RXRA: variants seen among roughly 807,000 people sequenced by gnomAD.
RXRA encodes the protein retinoid X receptor alpha, also known as retinoic acid receptor RXR-alpha.
In RXRA, 5 loss-of-function variants were observed where a neutral mutation model predicts 44.5. The observed-to-expected ratio is 0.11, with a 90% CI of 0.06 to 0.24. RXRA has a LOEUF of 0.24. Ranked by LOEUF, RXRA falls within the 10% of genes least tolerant of loss-of-function variation. The pLI is 1.00. For missense variants in RXRA, 412 were observed against 646.5 expected (o/e 0.64, Z 3.93); for synonymous variants, 291 against 271.4 (o/e 1.07, Z -0.71).
intron 1 of RXRA, among the ~76,000 whole-genome samples, chr9:134,383,964 T>G (rs1830682140): frequency 6.6e-6 from 1 of 152,024 alleles, no homozygotes; most frequent in African/African-American, 2.4e-5. Context: ...CCTCGGGGGT[T>G]GTTTGTGTTG....
At chr9:134,339,733 G>A (rs546621217) in intron 1 of RXRA, among the ~76,000 whole-genome samples, 1 of 149,650 alleles carries the variant, frequency 6.7e-6, no homozygotes, top group Non-Finnish European at 1.5e-5. Flanking sequence ...GTGTGTGTGT[G>A]TCTATGTGTG....
At chr9:134,356,860 C>T (rs2119054570) in intron 1 of RXRA, among the ~76,000 whole-genome samples, 1 of 152,288 alleles carries the variant, frequency 6.6e-6, no homozygotes, top group East Asian at 1.9e-4. Context: ...AGGCCCTGCT[C>T]AGCCACCACC....
intron 1 of RXRA, among the ~76,000 whole-genome samples, chr9:134,393,644 G>T (rs1830832242): frequency 6.6e-6 from 1 of 152,278 alleles, no homozygotes; most frequent in African/African-American, 2.4e-5. Context: ...GGCTTCTCAG[G>T]GGAGTAGGCA....
chr9:134,432,339 G>A (rs183856963), intron 8 of RXRA, among the ~76,000 whole-genome samples: 9 of 152,348 alleles, frequency 5.9e-5, no homozygotes, highest in African/African-American at 1.2e-4. Context: ...GTGAACTTCC[G>A]GTGCTGAAGT....
chr9:134,410,409 G>T (rs967065944), intron 4 of RXRA, among the ~76,000 whole-genome samples: 8 of 152,234 alleles, frequency 5.3e-5, no homozygotes, highest in African/African-American at 1.9e-4. Flanking sequence ...CTGGGCCCTG[G>T]CCCCCATCCA....
At chr9:134,333,443 C>G (rs1383448311) in intron 1 of RXRA, among the ~76,000 whole-genome samples, 2 of 152,098 alleles carry the variant, frequency 1.3e-5, no homozygotes, top group Non-Finnish European at 2.9e-5. Flanking sequence ...TACCCGGGGC[C>G]AGGGCTGGGG....
In RXRA at chr9:134,339,751, G is replaced by A. The variant is rs924794948; in HGVS notation, c.28+13092G>A. Among the ~76,000 whole-genome samples the A allele has an allele frequency of 7.7e-3, 1,063 of 137,244 alleles. 17 individuals carry two copies. Among genetic ancestry groups the A allele is most frequent in the African/African-American group, 0.035 (1,002 of 28,860 alleles). 90.0% of individuals were successfully genotyped at this position (137,244 alleles called of 152,430 possible). Reference sequence around the variant, plus strand: ...TGTGTGTGTCTATGTGTGAGATCCCGTGTGTGTCTGTGCACACCCATGCCC... The same window carrying A: ...TGTGTGTGTCTATGTGTGAGATCCCATGTGTGTCTGTGCACACCCATGCCC... On this transcript the variant is annotated intron_variant, in intron 1 of 9. Transcript: ENST00000481739.
intron 4 of RXRA, among the ~76,000 whole-genome samples, chr9:134,410,675 C>G (rs1831132982): frequency 6.6e-6 from 1 of 151,948 alleles, no homozygotes. Flanking sequence ...CTGGCCTGTT[C>G]TGGGGTGGAG....
intron 4 of RXRA, among the ~76,000 whole-genome samples, chr9:134,411,472 A>G (rs1419380306): frequency 6.6e-6 from 1 of 152,176 alleles, no homozygotes; most frequent in African/African-American, 2.4e-5. Flanking sequence ...TACCTGTGAG[A>G]CAGAGAAATG....
At chr9:134,373,071 C>G (rs1830509622) in intron 1 of RXRA, among the ~76,000 whole-genome samples, 1 of 152,168 alleles carries the variant, frequency 6.6e-6, no homozygotes, top group Admixed American at 6.5e-5. Context: ...GCCCTGGAGA[C>G]CAGTCCGTTA....
chr9:134,392,130 A>C (rs1025071834), intron 1 of RXRA, among the ~76,000 whole-genome samples: 2 of 151,958 alleles, frequency 1.3e-5, no homozygotes, highest in African/African-American at 4.8e-5. Flanking sequence ...GCAGAGGGGG[A>C]GGGTGGGAAG....
intron 4 of RXRA, among the ~76,000 whole-genome samples, chr9:134,409,397 A>G (rs1179011013): frequency 2.0e-5 from 3 of 152,054 alleles, no homozygotes; most frequent in South Asian, 2.1e-4. Flanking sequence ...CTTAGGTTGG[A>G]GAGGTGGAGC....
intron 1 of RXRA, among the ~76,000 whole-genome samples, chr9:134,354,374 T>G (rs1554749824): frequency 6.6e-6 from 1 of 152,236 alleles, no homozygotes; most frequent in Non-Finnish European, 1.5e-5. Flanking sequence ...TGGGTCCCCC[T>G]CCTTGGACAG....
At chr9:134,387,717 C>A (rs1387754009) in intron 1 of RXRA, among the ~76,000 whole-genome samples, 1 of 152,214 alleles carries the variant, frequency 6.6e-6, no homozygotes, top group South Asian at 2.1e-4. Context: ...AAGCAGCAGG[C>A]GTGCGGCGTG....
intron 4 of RXRA, among the ~76,000 whole-genome samples, chr9:134,412,113 C>T (rs996316373): frequency 4.6e-5 from 7 of 152,234 alleles, no homozygotes; most frequent in African/African-American, 9.6e-5. Context: ...GCAGGCTCCC[C>T]GACAGCGGAG....
chr9:134,337,907 A>T (rs1198646606), intron 1 of RXRA, among the ~76,000 whole-genome samples: 1 of 152,098 alleles, frequency 6.6e-6, no homozygotes, highest in Non-Finnish European at 1.5e-5. Context: ...CGTTCAGTTC[A>T]GGTGGCCGCG....
chr9:134,421,889 G>T (rs753671544), intron 6 of RXRA, 84 bp downstream of exon 6: 4 of 1,469,322 alleles, frequency 2.7e-6, no homozygotes, highest in African/African-American at 1.4e-5. Flanking sequence ...GGGATACTCC[G>T]CACTCCCGGG....
chr9:134,401,102 A>G (rs930644065), intron 1 of RXRA, among the ~76,000 whole-genome samples: 2 of 152,196 alleles, frequency 1.3e-5, no homozygotes, highest in African/African-American at 4.8e-5. Context: ...TGGGAGAATC[A>G]TGGTGCTCAC....
rs568328900 is a variant in RXRA, at chr9:134,391,204, C to T, written c.29-10428C>T. On this transcript the variant is annotated intron_variant, in intron 1 of 9. Transcript: ENST00000481739. ...CTCTGCCCTGATCATTTCAGAGTCC[C>T]CGACTGAACCATCGTGTTGGCCTCT... Among the ~76,000 whole-genome samples the T allele has an allele frequency of 3.3e-5, 5 of 152,274 alleles. No individual in the cohort carries two copies. In the South Asian group the frequency reaches 1.0e-3, roughly 32 times the overall value.
Sources: allele counts gnomAD v4.1 joint callset (sites outside exome capture counted in the v4.1 genomes callset), GRCh38; gene constraint gnomAD v4.1.1; transcripts MANE v1.5; gene names NCBI Gene and HGNC (gene_info 2026-07-23, HGNC 2026-07-21).